CDH9: variants seen among roughly 807,000 people sequenced by gnomAD.
The protein encoded by CDH9 is cadherin-9.
A neutral mutation model predicts 70.9 loss-of-function variants in CDH9; 28 were observed. The ratio of observed to expected loss-of-function variants is 0.40; its 90% CI spans 0.29 to 0.54. The LOEUF (loss-of-function observed/expected upper bound fraction) is 0.54. Ranked by LOEUF, CDH9 falls within the 20% of genes least tolerant of loss-of-function variation. The pLI is 0.59. For missense variants in CDH9, 874 were observed against 984.4 expected (o/e 0.89, Z 1.50); for synonymous variants, 409 against 343.1 (o/e 1.19, Z -2.12).
chr5:26,973,206 T>G (rs1029879061), intron 2 of CDH9, among the ~76,000 whole-genome samples: 1 of 152,094 alleles, frequency 6.6e-6, no homozygotes, highest in Non-Finnish European at 1.5e-5. Context: ...ATCTGATCAC[T>G]GGGTATCAGT....
intron 1 of CDH9, among the ~76,000 whole-genome samples, chr5:27,029,530 G>C (rs1743275816): frequency 6.6e-6 from 1 of 151,986 alleles, no homozygotes; most frequent in Non-Finnish European, 1.5e-5. Context: ...ATGTGAAGTT[G>C]TTTGAAACAG....
At chr5:27,035,687 TG>T (rs1335787973) in intron 1 of CDH9, among the ~76,000 whole-genome samples, 3,509 of 150,062 alleles carry the variant, frequency 0.023, 150 homozygotes, top group African/African-American at 0.082. Flanking sequence ...TGTGTGTGTG[TG>T]TGTGTGTGTG....
intron 2 of CDH9, among the ~76,000 whole-genome samples, chr5:26,950,275 A>G (rs926237603): frequency 5.3e-5 from 8 of 152,214 alleles, no homozygotes; most frequent in Non-Finnish European, 8.8e-5. Flanking sequence ...AATTCACAGA[A>G]TGATGTCCTT....
intron 1 of CDH9, among the ~76,000 whole-genome samples, chr5:27,022,822 C>T (rs79122100): frequency 0.022 from 3,359 of 152,082 alleles, 138 homozygotes; most frequent in African/African-American, 0.076. Flanking sequence ...GGTGCTAAAC[C>T]GGTCACCAAC....
In CDH9 at chr5:26,885,962, A is replaced by T. The variant is rs760275896; in HGVS notation, c.1630+4T>A. ...AATTTTTAGTTTTAGAAATTTTCTT[A>T]TACCTTTATTATCTACAATGGTGAA... is the stretch of plus-strand genomic sequence containing the variant. On this transcript the variant is annotated splice_donor_region_variant and intron_variant, in intron 10 of 11. Transcript: ENST00000231021. 12 of 1,593,358 alleles carry T rather than the reference A, an allele frequency of 7.5e-6. No individual in the cohort carries two copies. In the African/African-American group the frequency reaches 1.5e-4, roughly 20 times the overall value.
chr5:27,005,524 C>T (rs765102288), intron 1 of CDH9, among the ~76,000 whole-genome samples: 2 of 152,074 alleles, frequency 1.3e-5, no homozygotes, highest in Non-Finnish European at 2.9e-5. Context: ...GTAACAGATG[C>T]TGACGAGGTC....
intron 2 of CDH9, among the ~76,000 whole-genome samples, chr5:26,957,731 G>A (rs1741970473): frequency 6.6e-6 from 1 of 151,920 alleles, no homozygotes; most frequent in Non-Finnish European, 1.5e-5. Context: ...TATTTTCTTT[G>A]GTGGCAAATT....
In CDH9 at chr5:26,972,238, C is replaced by T. The variant is rs115320500; in HGVS notation, c.228+15868G>A. On this transcript the variant is annotated intron_variant, in intron 2 of 11. Transcript: ENST00000231021. ...TAGGGGTCTAATATAAGAAAGTCAA[C>T]TGGAAACATTGAAAGATTGACGGCT... is the stretch of plus-strand genomic sequence containing the variant. 8.0e-3 allele frequency among the ~76,000 whole-genome samples: 1,223 copies of T among 152,170 alleles called. 21 individuals are homozygous for T. The highest frequency in any genetic ancestry group is 0.028 in the African/African-American group (1,156 of 41,512).
At position 26,890,538 on chromosome 5, in the gene CDH9, A is replaced by G. The variant is rs755827991; in HGVS notation, c.1280T>C (p.Met427Thr). The G allele has an allele frequency of 3.7e-6, 6 of 1,607,868 alleles. No homozygotes were observed. The highest frequency in any genetic ancestry group is 1.3e-5 in the African/African-American group (1 of 74,808). ...TGAGTGAATACCAAAAATACGGTCC[A>G]TATCAGTATGCCGATCAACAGAGTA... ...IKYSVDRHTD[M>T]DRIFGIHSEN... The change falls in exon 8 of 12, where the codon ATG (methionine) becomes ACG (threonine). Residue 427 changes from methionine to threonine, a missense_variant. Transcript: ENST00000231021.
At chr5:26,935,241 G>T (rs1579461112) in intron 2 of CDH9, among the ~76,000 whole-genome samples, 1 of 152,106 alleles carries the variant, frequency 6.6e-6, no homozygotes, top group Non-Finnish European at 1.5e-5. Context: ...TTTTCTAAAT[G>T]ATGACAAAGG....
intron 1 of CDH9, among the ~76,000 whole-genome samples, chr5:27,021,969 T>C (rs977086400): frequency 3.3e-5 from 5 of 152,000 alleles, no homozygotes; most frequent in African/African-American, 1.2e-4. Flanking sequence ...TATCGGATAC[T>C]CTCGTGTTGT....
At chr5:27,030,878 A>G (rs904449061) in intron 1 of CDH9, among the ~76,000 whole-genome samples, 2 of 151,904 alleles carry the variant, frequency 1.3e-5, no homozygotes, top group African/African-American at 4.8e-5. Flanking sequence ...AGATATAATT[A>G]TATACTTAGT....
chr5:27,000,924 T>A (rs1742756289), intron 1 of CDH9, among the ~76,000 whole-genome samples: 1 of 152,070 alleles, frequency 6.6e-6, no homozygotes, highest in African/African-American at 2.4e-5. Context: ...ACTTTGCATA[T>A]AGTAAAAGAT....
intron 2 of CDH9, among the ~76,000 whole-genome samples, chr5:26,971,295 T>C (rs532386863): frequency 6.6e-6 from 1 of 152,162 alleles, no homozygotes; most frequent in Admixed American, 6.5e-5. Context: ...TTATATCTCA[T>C]AGAATACAAA....
At chr5:26,957,055 T>A (rs559200128) in intron 2 of CDH9, among the ~76,000 whole-genome samples, 1 of 150,388 alleles carries the variant, frequency 6.6e-6, no homozygotes, top group African/African-American at 2.4e-5. Context: ...ATACCCTGAG[T>A]ATTTATTTTT....
intron 1 of CDH9, among the ~76,000 whole-genome samples, chr5:27,030,526 TAAA>T (rs529569068): frequency 1.5e-5 from 2 of 131,486 alleles, no homozygotes; most frequent in Non-Finnish European, 1.6e-5. Flanking sequence ...AAGCAGGGAT[TAAA>T]AAAAAAAAAA....
chr5:26,926,847 G>A (rs908529075), intron 2 of CDH9, among the ~76,000 whole-genome samples: 20 of 151,582 alleles, frequency 1.3e-4, no homozygotes, highest in African/African-American at 4.8e-4. Flanking sequence ...AATGGGGAAA[G>A]GAGGAAGTAC....
intron 2 of CDH9, among the ~76,000 whole-genome samples, chr5:26,931,347 C>G (rs536978731): frequency 6.6e-6 from 1 of 152,146 alleles, no homozygotes; most frequent in African/African-American, 2.4e-5. Flanking sequence ...ATCAAGATAT[C>G]TTTGTAAGAG....
chr5:26,954,322 A>G (rs1001136314), intron 2 of CDH9, among the ~76,000 whole-genome samples: 1 of 150,102 alleles, frequency 6.7e-6, no homozygotes, highest in Non-Finnish European at 1.5e-5. Flanking sequence ...GTGATTGTCA[A>G]TTTTAATATT....
Sources: allele counts gnomAD v4.1 joint callset (sites outside exome capture counted in the v4.1 genomes callset), GRCh38; gene constraint gnomAD v4.1.1; transcripts MANE v1.5; gene names NCBI Gene and HGNC (gene_info 2026-07-23, HGNC 2026-07-21).